The following ZNF423 variants were observed in gnomAD, a reference collection of about 807,000 sequenced individuals.
ZNF423 encodes the protein Ebf-associated zinc finger protein.
In ZNF423, 12 loss-of-function variants were observed where a neutral mutation model predicts 95.8. That is an observed-to-expected ratio of 0.13 (90% CI 0.08 to 0.20). The LOEUF (loss-of-function observed/expected upper bound fraction) is 0.20, where lower values mean the gene tolerates loss of function less well. Among genes scored for constraint, ZNF423 ranks in the 10% least tolerant of loss-of-function variants. ZNF423 has a pLI of 1.00. For synonymous variants in ZNF423, 749 were observed against 711.9 expected (o/e 1.05, Z -0.83); for missense variants, 1,316 against 1,737.1 (o/e 0.76, Z 4.31).
intron 3 of ZNF423, among the ~76,000 whole-genome samples, chr16:49,714,023 G>GA (rs1039074165): frequency 2.0e-5 from 3 of 152,298 alleles, no homozygotes; most frequent in Admixed American, 6.5e-5. Context: ...AAGGAAGGAG[G>GA]AGAGAGTGAA....
intron 3 of ZNF423, among the ~76,000 whole-genome samples, chr16:49,684,639 C>T (rs936208840): frequency 1.3e-5 from 2 of 152,162 alleles, no homozygotes; most frequent in African/African-American, 2.4e-5. Context: ...GGCCCCAGGA[C>T]GTAACTCTCC....
At chr16:49,850,892 C>T (rs1351355100) in intron 1 of ZNF423, among the ~76,000 whole-genome samples, 3 of 152,318 alleles carry the variant, frequency 2.0e-5, no homozygotes, top group Non-Finnish European at 2.9e-5. Flanking sequence ...GATGCCATGT[C>T]CCCACATCCA....
chr16:49,749,793 T>C (rs1320462556), intron 2 of ZNF423, among the ~76,000 whole-genome samples: 1 of 29,850 alleles, frequency 3.4e-5, no homozygotes, highest in Non-Finnish European at 6.2e-5. Flanking sequence ...AGTAGTGAAT[T>C]GGGGAGGGGT....
intron 1 of ZNF423, among the ~76,000 whole-genome samples, chr16:49,798,600 AATAC>A (rs2034534630): frequency 6.6e-6 from 1 of 151,984 alleles, no homozygotes; most frequent in Admixed American, 6.5e-5. Context: ...TTTAAAAATA[AATAC>A]ATACAATTTT....
intron 1 of ZNF423, among the ~76,000 whole-genome samples, chr16:49,835,659 A>G (rs553580854): frequency 6.6e-6 from 1 of 152,270 alleles, no homozygotes; most frequent in African/African-American, 2.4e-5. Context: ...AAAAAAAGGG[A>G]CGCAACCACC....
chr16:49,630,859 C>T (rs1424464428), intron 4 of ZNF423, among the ~76,000 whole-genome samples: 5 of 152,112 alleles, frequency 3.3e-5, no homozygotes, highest in Non-Finnish European at 7.4e-5. Flanking sequence ...CACTGGGCTT[C>T]ATAGGGTTCA....
chr16:49,637,817 G>T lies in ZNF423; in HGVS notation c.1359C>A (p.Ile453=). 6.2e-7 allele frequency: 1 copy of T among 1,614,222 alleles called. No homozygotes were observed. The highest frequency in any genetic ancestry group is 8.5e-7 in the Non-Finnish European group (1 of 1,180,040). The change falls in exon 4 of 8, where the codon ATC becomes ATA. Residue 453 remains isoleucine, a synonymous_variant. Transcript: ENST00000563137. The surrounding 1 kb of genome is among the most constrained non-coding windows in gnomAD (Gnocchi z 5.6). ...DKPQQSHTCQ[I]CLDSMPTLYN... is the part of the protein sequence containing the mutation. ...AGAGGGTGGGCATGGAGTCCAGGCA[G>T]ATCTGACATGTGTGGCTCTGCTGGG...
chr16:49,789,104 A>T (rs1265216898), intron 2 of ZNF423, among the ~76,000 whole-genome samples: 2 of 152,276 alleles, frequency 1.3e-5, no homozygotes, highest in Non-Finnish European at 2.9e-5. Flanking sequence ...AGGGAGGGAA[A>T]GAGGAATTCT....
At chr16:49,767,751 G>A (rs1452306952) in intron 2 of ZNF423, among the ~76,000 whole-genome samples, 1 of 152,130 alleles carries the variant, frequency 6.6e-6, no homozygotes, top group Admixed American at 6.5e-5. Flanking sequence ...ATTCCAGCAG[G>A]CACCAGGACA....
chr16:49,614,767 A>G (rs1235154606), intron 5 of ZNF423, among the ~76,000 whole-genome samples: 1 of 152,228 alleles, frequency 6.6e-6, no homozygotes, highest in Non-Finnish European at 1.5e-5. Flanking sequence ...TTATCTCAAA[A>G]TAAGAACTTT....
intron 2 of ZNF423, among the ~76,000 whole-genome samples, chr16:49,775,077 T>C (rs889625646): frequency 6.6e-6 from 1 of 152,118 alleles, no homozygotes; most frequent in African/African-American, 2.4e-5. Context: ...CCCAGCTCCC[T>C]CCAGGCTGTA....
At chr16:49,514,492 G>A (rs565439783) in intron 7 of ZNF423, among the ~76,000 whole-genome samples, 2 of 152,254 alleles carry the variant, frequency 1.3e-5, no homozygotes, top group South Asian at 4.2e-4. Flanking sequence ...ATGTTCTCAA[G>A]GGCTAGGAAG....
chr16:49,541,594 T>C (rs1969248723), intron 5 of ZNF423, among the ~76,000 whole-genome samples: 1 of 152,210 alleles, frequency 6.6e-6, no homozygotes, highest in Non-Finnish European at 1.5e-5. Context: ...TTTCCTGCAA[T>C]GAACATGTAT....
chr16:49,655,536 C>T (rs577275510), intron 3 of ZNF423, among the ~76,000 whole-genome samples: 7 of 152,334 alleles, frequency 4.6e-5, no homozygotes, highest in South Asian at 4.1e-4. Flanking sequence ...TCCCCTTCCA[C>T]GTGGGGGCTG....
intron 2 of ZNF423, among the ~76,000 whole-genome samples, chr16:49,736,256 T>C (rs1035837333): frequency 6.6e-6 from 1 of 152,162 alleles, no homozygotes; most frequent in Non-Finnish European, 1.5e-5. Flanking sequence ...AAAGGTGCCA[T>C]TTTTTAGGTC....
intron 2 of ZNF423, among the ~76,000 whole-genome samples, chr16:49,744,020 G>A (rs974136545): frequency 2.6e-5 from 4 of 152,068 alleles, no homozygotes; most frequent in African/African-American, 4.8e-5. Flanking sequence ...CTCACTGGAG[G>A]AGGGTGGCAG....
intron 3 of ZNF423, among the ~76,000 whole-genome samples, chr16:49,657,051 A>G (rs2029909560): frequency 6.6e-6 from 1 of 152,192 alleles, no homozygotes. Flanking sequence ...ACACCCGTTC[A>G]GGGGCACAAG....
At chr16:49,592,740 G>T (rs891516913) in intron 5 of ZNF423, among the ~76,000 whole-genome samples, 2 of 152,236 alleles carry the variant, frequency 1.3e-5, no homozygotes, top group Non-Finnish European at 2.9e-5. Flanking sequence ...CTCAGCAAAG[G>T]TGTGTGATGC....
chr16:49,805,780 G>A (rs1313036357), intron 1 of ZNF423, among the ~76,000 whole-genome samples: 1 of 152,172 alleles, frequency 6.6e-6, no homozygotes, highest in Admixed American at 6.5e-5. Flanking sequence ...CTATAAAATG[G>A]GGATTTAAAA....
Sources: gnomAD v4.1 joint callset for allele counts (sites outside exome capture counted in the v4.1 genomes callset) on GRCh38, gnomAD v4.1.1 for gene constraint, Gnocchi (gnomAD v3.1) non-coding constraint, MANE v1.5 for transcripts, NCBI Gene and HGNC (gene_info 2026-07-23, HGNC 2026-07-21) for gene names.